Variants in MDGA2 observed in about 807,000 individuals in gnomAD.
MDGA2 encodes the protein MAM domain containing glycosylphosphatidylinositol anchor 2, also known as MAM domain-containing glycosylphosphatidylinositol anchor protein 2.
MDGA2 carries 40 observed loss-of-function variants against 117.8 expected under a neutral mutation model. That is an observed-to-expected ratio of 0.34 (90% CI 0.26 to 0.44). The LOEUF (loss-of-function observed/expected upper bound fraction) is 0.44, where lower values mean the gene tolerates loss of function less well. Among genes scored for constraint, MDGA2 ranks in the 20% least tolerant of loss-of-function variants. The probability of loss-of-function intolerance (pLI) is 1.00; values close to 1 mark genes in which losing one functional copy is unlikely to be tolerated. For synonymous variants in MDGA2, 452 were observed against 439.0 expected (o/e 1.03, Z -0.37); for missense variants, 1,123 against 1,250.6 (o/e 0.90, Z 1.54).
chr14:47,055,859 A>G (rs140468709), intron 7 of MDGA2, among the ~76,000 whole-genome samples: 1 of 152,136 alleles, frequency 6.6e-6, no homozygotes, highest in Non-Finnish European at 1.5e-5. Flanking sequence ...AAAGCTGAAA[A>G]TATTTACTAT....
chr14:47,340,482 T>C (rs1208108988), intron 1 of MDGA2, among the ~76,000 whole-genome samples: 2 of 152,128 alleles, frequency 1.3e-5, no homozygotes, highest in South Asian at 2.1e-4. Flanking sequence ...ACGAGTGCCA[T>C]CTAGTTATCC....
intron 1 of MDGA2, among the ~76,000 whole-genome samples, chr14:47,307,819 A>G (rs1046750880): frequency 2.0e-5 from 3 of 152,152 alleles, no homozygotes; most frequent in Admixed American, 6.5e-5. Flanking sequence ...AGAGCTTTCA[A>G]TGGTAGTTGA....
At chr14:46,930,395 T>C (rs1884523355) in intron 9 of MDGA2, among the ~76,000 whole-genome samples, 1 of 152,126 alleles carries the variant, frequency 6.6e-6, no homozygotes, top group Non-Finnish European at 1.5e-5. Flanking sequence ...TTCTATGCAT[T>C]ATTCTTTCAT....
intron 6 of MDGA2, among the ~76,000 whole-genome samples, chr14:47,085,174 TAC>T (rs1433730260): frequency 6.6e-6 from 1 of 152,112 alleles, no homozygotes; most frequent in Non-Finnish European, 1.5e-5. Context: ...AAGGAACATT[TAC>T]AGTCTTAAAA....
chr14:47,019,457 A>G (rs554784321), intron 8 of MDGA2, among the ~76,000 whole-genome samples: 5 of 152,274 alleles, frequency 3.3e-5, no homozygotes, highest in African/African-American at 9.6e-5. Context: ...TGACATTAAA[A>G]GTAATGGCCA....
At chr14:47,034,263 A>G (rs1211934708) in intron 8 of MDGA2, among the ~76,000 whole-genome samples, 1 of 152,198 alleles carries the variant, frequency 6.6e-6, no homozygotes, top group African/African-American at 2.4e-5. Flanking sequence ...GTGTGGATTT[A>G]GGTATTTTTA....
chr14:47,653,362 G>A (rs1269334963), intron 1 of MDGA2, among the ~76,000 whole-genome samples: 1 of 152,076 alleles, frequency 6.6e-6, no homozygotes, highest in Non-Finnish European at 1.5e-5. Context: ...TCTTCTCTAG[G>A]TGAACTGGGA....
In MDGA2 at chr14:46,981,626, AAG is replaced by A. The variant is rs1459066084; in HGVS notation, c.1820-23985_1820-23984del. 2.0e-5 allele frequency among the ~76,000 whole-genome samples: 3 copies of A among 152,158 alleles called. No individual in the cohort carries two copies. The East Asian group carries it at 5.8e-4, about 29-fold the overall frequency. ...AAGAATGTCAAGTGGTAGGTGTGAA[AAG>A]AGTGATATAGAGTTCCAGTACTGTA... On this transcript the variant is annotated intron_variant, in intron 8 of 16. Coordinates refer to ENST00000399232, the MANE Select transcript of MDGA2 (RefSeq NM_001113498.3).
At chr14:47,089,024 G>A (rs1275030069) in intron 6 of MDGA2, among the ~76,000 whole-genome samples, 3 of 152,092 alleles carry the variant, frequency 2.0e-5, no homozygotes, top group Non-Finnish European at 4.4e-5. Context: ...ATTAAAAGAG[G>A]CTGTATATTT....
At chr14:47,149,393 G>A (rs1883075709) in intron 3 of MDGA2, among the ~76,000 whole-genome samples, 1 of 152,180 alleles carries the variant, frequency 6.6e-6, no homozygotes, top group Admixed American at 6.5e-5. Flanking sequence ...CATCCCCGCT[G>A]TTACGAGAGA....
intron 9 of MDGA2, among the ~76,000 whole-genome samples, chr14:46,923,705 AT>A (rs1188656344): frequency 6.6e-6 from 1 of 152,010 alleles, no homozygotes; most frequent in African/African-American, 2.4e-5. Context: ...TCCTGATTTT[AT>A]TGGAAAAGGG....
intron 5 of MDGA2, among the ~76,000 whole-genome samples, chr14:47,105,833 T>G (rs989982486): frequency 2.0e-5 from 3 of 151,838 alleles, no homozygotes; most frequent in Non-Finnish European, 2.9e-5. Context: ...CCATCTGACC[T>G]CTCCCCTCCT....
At chr14:47,654,672 A>C (rs1318126073) in intron 1 of MDGA2, among the ~76,000 whole-genome samples, 1 of 152,098 alleles carries the variant, frequency 6.6e-6, no homozygotes, top group Non-Finnish European at 1.5e-5. Flanking sequence ...TGAAGACAGT[A>C]TATTTCCCCT....
intron 10 of MDGA2, among the ~76,000 whole-genome samples, chr14:46,892,756 G>A (rs1882931230): frequency 6.6e-6 from 1 of 151,896 alleles, no homozygotes; most frequent in Non-Finnish European, 1.5e-5. Flanking sequence ...ATGAAAAGGT[G>A]TTCAATATCA....
At chr14:47,339,252 T>C (rs978838970) in intron 1 of MDGA2, among the ~76,000 whole-genome samples, 1 of 152,156 alleles carries the variant, frequency 6.6e-6, no homozygotes, top group Non-Finnish European at 1.5e-5. Flanking sequence ...CTTTATTTAA[T>C]ATTAGTAATA....
intron 9 of MDGA2, among the ~76,000 whole-genome samples, chr14:46,954,022 T>C (rs1595066008): frequency 6.6e-6 from 1 of 152,070 alleles, no homozygotes; most frequent in Non-Finnish European, 1.5e-5. Context: ...TATTGTGTAA[T>C]GGGCATAACA....
intron 1 of MDGA2, among the ~76,000 whole-genome samples, chr14:47,513,281 T>C (rs4331256): frequency 0.11 from 16,448 of 152,186 alleles, 987 homozygotes; most frequent in Middle Eastern, 0.15. Flanking sequence ...TTTTTTTATA[T>C]GGCTGATACT....
intron 1 of MDGA2, among the ~76,000 whole-genome samples, chr14:47,567,197 A>G (rs558565403): frequency 1.3e-5 from 2 of 152,202 alleles, no homozygotes; most frequent in Admixed American, 1.3e-4. Context: ...CATCATGCCC[A>G]GCCCAATAAA....
chr14:47,173,833 C>T (rs531470464), intron 3 of MDGA2, among the ~76,000 whole-genome samples: 111 of 152,172 alleles, frequency 7.3e-4, no homozygotes, highest in African/African-American at 2.6e-3. Flanking sequence ...CTAAATGCTC[C>T]AATTAAAAGA....
Sources: allele counts gnomAD v4.1 joint callset (sites outside exome capture counted in the v4.1 genomes callset), GRCh38; gene constraint gnomAD v4.1.1; transcripts MANE v1.5; gene names NCBI Gene and HGNC (gene_info 2026-07-23, HGNC 2026-07-21).